Variants in CDC6 observed in about 807,000 individuals in gnomAD.
CDC6 encodes DNA replication factor CDC6.
Under a neutral mutation model 60.2 loss-of-function variants are expected in CDC6, and 46 were observed. The observed-to-expected ratio is 0.76, with a 90% CI of 0.60 to 0.98. The LOEUF is 0.98. CDC6 is among the 50% of genes least tolerant of loss of function. The pLI is 0.00. For missense variants in CDC6, 596 were observed against 652.9 expected (o/e 0.91, Z 0.95); for synonymous variants, 210 against 233.2 (o/e 0.90, Z 0.90).
chr17:40,290,014 C>T (rs1005413391), intron 2 of CDC6, among the ~76,000 whole-genome samples: 6 of 151,878 alleles, frequency 4.0e-5, no homozygotes, highest in African/African-American at 9.7e-5. Flanking sequence ...CATGAGCTAC[C>T]GCTCCTGGCC....
chr17:40,290,927 A>G, intron 2 of CDC6, 131 bp from the exon 3 acceptor site: 1 of 899,482 alleles, frequency 1.1e-6, no homozygotes, highest in Non-Finnish European at 1.8e-6. Flanking sequence ...CTGCTAAGTG[A>G]GAAGGCATTT....
At position 40,291,254 on chromosome 17, in the gene CDC6, A is replaced by C; in HGVS notation, c.375A>C (p.Arg125Ser). The C allele has an allele frequency of 6.2e-7, 1 of 1,614,184 alleles. No individual in the cohort carries two copies. ...AAAACAAAATACTTTCTTCAGTTAG[A>C]AAAAGTCAAGAGATCACAACAAATT... ...VHQNKILSSV[R>S]KSQEITTNSE... Residue 125 changes from arginine (R) to serine (S), a missense_variant, in exon 3 of 12, where the codon AGA (arginine) becomes AGC (serine). Coordinates refer to ENST00000209728, the MANE Select transcript of CDC6 (RefSeq NM_001254.4).
chr17:40,298,459 T>G (rs1329892234), intron 9 of CDC6, among the ~76,000 whole-genome samples: 1 of 151,760 alleles, frequency 6.6e-6, no homozygotes, highest in Non-Finnish European at 1.5e-5. Context: ...TGGAGTCCAG[T>G]GGTGCAATTA....
At position 40,293,991 on chromosome 17, in the gene CDC6, G is replaced by T. The variant is rs775505043; in HGVS notation, c.878G>T (p.Gly293Val). 9.9e-6 allele frequency: 16 copies of T among 1,613,994 alleles called. No individual in the cohort carries two copies. The highest frequency in any genetic ancestry group is 6.7e-5 in the Admixed American group (4 of 60,002). The change falls in exon 6 of 12, where the codon GGC becomes GTC. Residue 293 changes from glycine to valine, a missense_variant. Gly to Val is a moderately radical substitution (Grantham distance 109). Transcript: ENST00000209728. ...LDEMDQLDSK[G>V]QDVLYTLFEW... ...GAGATGGATCAACTGGACAGCAAAG[G>T]CCAGGATGTATTGTACACGCTATTT...
intron 4 of CDC6, among the ~76,000 whole-genome samples, chr17:40,292,616 C>T (rs1381637443): frequency 6.6e-6 from 1 of 150,586 alleles, no homozygotes; most frequent in East Asian, 2.0e-4. Context: ...GCCTGGGTGA[C>T]AGAGTGAGAC....
chr17:40,291,398 A>G, intron 3 of CDC6, 59 bp downstream of exon 3: 7 of 1,612,192 alleles, frequency 4.3e-6, no homozygotes, highest in Admixed American at 3.3e-5. Context: ...GATGACTCCA[A>G]ATGAAACCAC....
At chr17:40,296,907 C>T (rs374749054) in intron 9 of CDC6, 140 bp downstream of exon 9, 23 of 722,852 alleles carry the variant, frequency 3.2e-5, no homozygotes, top group Admixed American at 1.0e-4. Flanking sequence ...TAGTCCGTTT[C>T]GTCTACTTTA....
chr17:40,296,216 C>T (rs894222285), intron 8 of CDC6, among the ~76,000 whole-genome samples: 4 of 152,188 alleles, frequency 2.6e-5, no homozygotes, highest in Admixed American at 2.6e-4. Flanking sequence ...TGTAGGCTAG[C>T]GTGGTTTAGC....
chr17:40,294,925 G>A (rs570893838), intron 7 of CDC6, among the ~76,000 whole-genome samples: 2 of 152,032 alleles, frequency 1.3e-5, no homozygotes, highest in South Asian at 4.2e-4. Flanking sequence ...GGGTTTCACC[G>A]TCTTGGCCAG....
Position 40,300,119 on chromosome 17 carries a change from C to T in CDC6, c.1250-709C>T, listed in dbSNP as rs144215442. On this transcript the variant is annotated intron_variant, in intron 9 of 11. Transcript: ENST00000209728. ...CTGGGATTACAGGCGCCTGCCACCA[C>T]ATCCAGCTAATTTTTTGTATTTTTA... 7.2e-4 allele frequency among the ~76,000 whole-genome samples: 109 copies of T among 152,254 alleles called. 1 individual carries two copies. The highest frequency in any genetic ancestry group is 2.4e-3 in the African/African-American group (100 of 41,552).
In CDC6 at chr17:40,301,070, A is replaced by G. The variant is rs773999564; in HGVS notation, c.1452+40A>G. 24 of 1,393,068 alleles carry G rather than the reference A, an allele frequency of 1.7e-5. No individual in the cohort carries two copies. The South Asian group carries it at 2.7e-4, about 15-fold the overall frequency. The allele number at this position is 1,393,068 out of a possible 1,614,324, so 86.3% of individuals were successfully genotyped here. On this transcript the variant is annotated intron_variant, in intron 10 of 11. Coordinates refer to ENST00000209728, the MANE Select transcript of CDC6 (RefSeq NM_001254.4). The stretch of plus-strand genomic sequence containing the variant: ...AGCAGATGGAACGGAGGTAGAGATC[A>G]GAATCTGCTTTGCAGAGCAGGTATT...
intron 1 of CDC6, among the ~76,000 whole-genome samples, chr17:40,288,996 C>T (rs1353325838): frequency 2.6e-5 from 4 of 152,214 alleles, no homozygotes; most frequent in Middle Eastern, 3.2e-3. Flanking sequence ...CCACCGCGCC[C>T]GGCCCATTTC....
Position 40,289,485 on chromosome 17 carries a change from C to T in CDC6, c.65C>T (p.Ala22Val). 1 of 1,613,988 alleles carries T rather than the reference C, an allele frequency of 6.2e-7. No individual in the cohort carries two copies. Among genetic ancestry groups the T allele is most frequent in the Non-Finnish European group, 8.5e-7 (1 of 1,179,968 alleles). Residue 22 changes from alanine to valine, a missense_variant, in exon 2 of 12, where the codon GCA (alanine) becomes GTA (valine). By Grantham distance (64) the Ala-to-Val change is moderately conservative. Transcript: ENST00000209728. ...TTTCCAAAAAGGAAGCTGTCTCGGG[C>T]ATTGAACAAAGCTAAAAACTCCAGT... ...ISFPKRKLSR[A>V]LNKAKNSSDA... is the part of the protein sequence containing the mutation.
chr17:40,293,013 T>C (rs1453378571), intron 4 of CDC6, among the ~76,000 whole-genome samples: 4 of 151,508 alleles, frequency 2.6e-5, no homozygotes, highest in Non-Finnish European at 5.9e-5. Flanking sequence ...CTGAGGCAGG[T>C]GGATCACCTG....
intron 9 of CDC6, 151 bp from the exon 10 acceptor site, chr17:40,300,677 C>G: frequency 1.4e-6 from 1 of 736,988 alleles, no homozygotes; most frequent in Admixed American, 1.9e-5. Flanking sequence ...CATCCTTTGG[C>G]CTCTGGTTAG....
At chr17:40,300,271 TC>T (rs974682161) in intron 9 of CDC6, among the ~76,000 whole-genome samples, 11 of 152,282 alleles carry the variant, frequency 7.2e-5, no homozygotes, top group African/African-American at 1.2e-4. Context: ...GCCTTTTTTT[TC>T]CTTTCTTAAT....
At position 40,294,381 on chromosome 17, in the gene CDC6, G is replaced by T; in HGVS notation, c.961G>T (p.Asp321Tyr). The change falls in exon 7 of 12, where the codon GAT becomes TAT. Residue 321 changes from aspartate (D) to tyrosine (Y), a missense_variant. Physicochemically the swap from Asp to Tyr is radical, Grantham distance 160. Coordinates refer to ENST00000209728, the MANE Select transcript of CDC6 (RefSeq NM_001254.4). The part of the protein sequence containing the change: ...LVLIGIANTL[D>Y]LTDRILPRLQ... ...CTCCTTAGGTATTGCTAATACCCTGGATCTCACAGATAGAATTCTACCTAG... is the reference window on the plus strand; with the variant it reads ...CTCCTTAGGTATTGCTAATACCCTGTATCTCACAGATAGAATTCTACCTAG... 1 of 1,609,292 alleles carries T rather than the reference G, an allele frequency of 6.2e-7. No individual in the cohort carries two copies.
At position 40,294,244 on chromosome 17, in the gene CDC6, T is replaced by C. The variant is rs2032823536; in HGVS notation, c.944-120T>C. The C allele has an allele frequency of 3.2e-6, 3 of 935,368 alleles. No individual in the cohort carries two copies. In the Admixed American group the frequency reaches 5.7e-5, roughly 18 times the overall value. 57.9% of individuals were successfully genotyped at this position (935,368 alleles called of 1,614,324 possible). A position where few individuals can be genotyped will look rare whatever the true frequency, so the allele number is the denominator to read the frequency against. ...CTATTGGGATGGGGTAGGAGACAAG[T>C]GGCAAGCAACAATTAGAATGCTAGA... On this transcript the variant is annotated intron_variant, in intron 6 of 11. Coordinates refer to ENST00000209728, the MANE Select transcript of CDC6 (RefSeq NM_001254.4).
At chr17:40,293,421 C>CAAAAT (rs1302485144) in intron 4 of CDC6, 35 bp from the exon 5 acceptor site, 1 of 1,581,244 alleles carries the variant, frequency 6.3e-7, no homozygotes, top group East Asian at 2.2e-5. Flanking sequence ...TTTCTGAGGC[C>CAAAAT]AAAATAACTC....
Sources: allele counts gnomAD v4.1 joint callset (sites outside exome capture counted in the v4.1 genomes callset), GRCh38; gene constraint gnomAD v4.1.1; transcripts MANE v1.5; gene names NCBI Gene and HGNC (gene_info 2026-07-23, HGNC 2026-07-21).